ANKS1B: variants seen among roughly 807,000 people sequenced by gnomAD.
ANKS1B encodes the protein ankyrin repeat and sterile alpha motif domain containing 1B.
A neutral mutation model predicts 148.3 loss-of-function variants in ANKS1B; 36 were observed. The ratio of observed to expected loss-of-function variants is 0.24; its 90% CI spans 0.19 to 0.32. The LOEUF is 0.32. ANKS1B is among the 10% of genes least tolerant of loss of function. The pLI is 1.00. For synonymous variants in ANKS1B, 542 were observed against 560.8 expected (o/e 0.97, Z 0.47); for missense variants, 1,157 against 1,542.6 (o/e 0.75, Z 4.19).
intron 1 of ANKS1B, among the ~76,000 whole-genome samples, chr12:99,940,183 C>T (rs990197836): frequency 1.3e-5 from 2 of 152,128 alleles, no homozygotes; most frequent in Non-Finnish European, 2.9e-5. Context: ...GATGAGCATG[C>T]AAAGTATAGC....
chr12:99,121,321 ATGTG>A (rs57560069), intron 15 of ANKS1B, among the ~76,000 whole-genome samples: 3,130 of 142,820 alleles, frequency 0.022, 120 homozygotes, highest in African/African-American at 0.077. Context: ...GTATGTAGGT[ATGTG>A]TGTGTGTGTG....
At chr12:99,386,396 T>C (rs1214968354) in intron 12 of ANKS1B, 2 of 152,140 alleles carry the variant, frequency 1.3e-5, no homozygotes, top group East Asian at 1.9e-4. Context: ...TTCTCTTCAA[T>C]GCTCCAGGCC....
chr12:98,988,958 T>C (rs757123653), intron 17 of ANKS1B, among the ~76,000 whole-genome samples: 2 of 152,166 alleles, frequency 1.3e-5, no homozygotes, highest in Non-Finnish European at 2.9e-5. Flanking sequence ...CTTTGCTGTG[T>C]TTTTGTTTTG....
At chr12:98,807,610 AT>A (rs1280150256) in intron 20 of ANKS1B, among the ~76,000 whole-genome samples, 1 of 152,206 alleles carries the variant, frequency 6.6e-6, no homozygotes, top group East Asian at 1.9e-4. Context: ...CATGGGACAT[AT>A]TTTAACCATA....
chr12:99,645,664 C>T (rs1405760548), intron 9 of ANKS1B, among the ~76,000 whole-genome samples: 1 of 152,124 alleles, frequency 6.6e-6, no homozygotes, highest in East Asian at 1.9e-4. Flanking sequence ...GCTGCATTTT[C>T]ATAAAAGGAA....
intron 17 of ANKS1B, among the ~76,000 whole-genome samples, chr12:98,878,896 G>C (rs1201097111): frequency 6.6e-6 from 1 of 152,052 alleles, no homozygotes; most frequent in African/African-American, 2.4e-5. Flanking sequence ...TGTAGTTTCG[G>C]AACAAAAGAA....
chr12:98,941,980 C>T (rs1432156772), intron 17 of ANKS1B, among the ~76,000 whole-genome samples: 2 of 152,122 alleles, frequency 1.3e-5, no homozygotes, highest in African/African-American at 4.8e-5. Context: ...CAGTGGCTCA[C>T]GCCTGTAATC....
chr12:99,489,117 C>T (rs1338603829), intron 10 of ANKS1B, among the ~76,000 whole-genome samples: 2 of 151,864 alleles, frequency 1.3e-5, no homozygotes, highest in African/African-American at 2.4e-5. Context: ...TGGCACGCAC[C>T]TATAATCCCA....
At chr12:99,541,804 G>C (rs973209833) in intron 9 of ANKS1B, among the ~76,000 whole-genome samples, 1 of 151,480 alleles carries the variant, frequency 6.6e-6, no homozygotes, top group Non-Finnish European at 1.5e-5. Context: ...GCAGTGAGCC[G>C]AGATCATGCC....
chr12:99,935,803 C>G (rs1240320785), intron 1 of ANKS1B, among the ~76,000 whole-genome samples: 1 of 152,124 alleles, frequency 6.6e-6, no homozygotes, highest in Non-Finnish European at 1.5e-5. Context: ...TGATTAGTGA[C>G]CTCATCACAA....
At chr12:99,520,550 T>C (rs2096865033) in intron 9 of ANKS1B, among the ~76,000 whole-genome samples, 1 of 152,192 alleles carries the variant, frequency 6.6e-6, no homozygotes, top group South Asian at 2.1e-4. Context: ...CTTGAAGTAA[T>C]CTTCTTTGGT....
At chr12:99,696,173 C>T (rs2053879882) in intron 8 of ANKS1B, among the ~76,000 whole-genome samples, 1 of 152,062 alleles carries the variant, frequency 6.6e-6, no homozygotes, top group Non-Finnish European at 1.5e-5. Context: ...TAAATTAATA[C>T]ATATATGGTT....
At chr12:98,992,703 T>C (rs181302589) in intron 17 of ANKS1B, among the ~76,000 whole-genome samples, 1 of 152,312 alleles carries the variant, frequency 6.6e-6, no homozygotes, top group East Asian at 1.9e-4. Flanking sequence ...TACACCCTCC[T>C]TAATGAGAAC....
chr12:98,938,334 C>T (rs2099823999), intron 17 of ANKS1B, among the ~76,000 whole-genome samples: 1 of 152,108 alleles, frequency 6.6e-6, no homozygotes, highest in African/African-American at 2.4e-5. Flanking sequence ...GTGAGCAAAA[C>T]AATCCTAATT....
chr12:98,811,320 C>G (rs771023360), intron 19 of ANKS1B, among the ~76,000 whole-genome samples: 1 of 152,182 alleles, frequency 6.6e-6, no homozygotes. Flanking sequence ...ACAAACATAA[C>G]CCCAGACTCC....
At chr12:99,318,502 G>C (rs538438002) in intron 12 of ANKS1B, among the ~76,000 whole-genome samples, 18 of 152,222 alleles carry the variant, frequency 1.2e-4, no homozygotes, top group African/African-American at 4.3e-4. Context: ...ATTTCTGTGG[G>C]ACCAGTGGTG....
chr12:99,214,580 C>T (rs1486164585), intron 14 of ANKS1B, among the ~76,000 whole-genome samples: 3 of 152,288 alleles, frequency 2.0e-5, no homozygotes, highest in East Asian at 1.9e-4. Context: ...GATTGTGAGG[C>T]CTCCTGTGGC....
intron 12 of ANKS1B, among the ~76,000 whole-genome samples, chr12:99,382,955 GC>G (rs1300823459): frequency 6.6e-6 from 1 of 151,850 alleles, no homozygotes; most frequent in African/African-American, 2.4e-5. Flanking sequence ...CAGCCTCCCT[GC>G]CCCCTCCCAC....
intron 11 of ANKS1B, among the ~76,000 whole-genome samples, chr12:99,427,771 C>A (rs1325467710): frequency 5.9e-5 from 9 of 152,154 alleles, no homozygotes; most frequent in Admixed American, 1.3e-4. Context: ...AAGGGCATCT[C>A]AGTGAAGATG....
Sources: gnomAD v4.1 joint callset for allele counts (sites outside exome capture counted in the v4.1 genomes callset) on GRCh38, gnomAD v4.1.1 for gene constraint, MANE v1.5 for transcripts, NCBI Gene and HGNC (gene_info 2026-07-23, HGNC 2026-07-21) for gene names.